The following NBAS variants were observed in gnomAD, a reference collection of about 807,000 sequenced individuals.
NBAS encodes the protein NAG/BC035112 fusion.
NBAS carries 219 observed loss-of-function variants against 302.5 expected under a neutral mutation model. The ratio of observed to expected loss-of-function variants is 0.72; its 90% CI spans 0.65 to 0.81. NBAS has a LOEUF of 0.81. Among genes scored for constraint, NBAS ranks in the 30% least tolerant of loss-of-function variants. NBAS has a pLI of 0.00. For missense variants in NBAS, 2,932 were observed against 2,841.6 expected, an observed-to-expected ratio of 1.03 and a Z score of -0.72; for synonymous variants, 1,118 against 1,021.6, an observed-to-expected ratio of 1.09 and a Z score of -1.80.
the NBAS span, among the ~76,000 whole-genome samples, chr2:15,158,910 C>A: frequency 2.0e-5 from 3 of 152,186 alleles, no homozygotes; most frequent in African/African-American, 7.2e-5. Flanking sequence ...CCCCCTGCAC[C>A]CTGCTGTCTG....
intron 48 of NBAS, among the ~76,000 whole-genome samples, chr2:15,199,620 A>T (rs954214036): frequency 2.0e-5 from 3 of 152,210 alleles, no homozygotes; most frequent in Non-Finnish European, 2.9e-5. Flanking sequence ...TAATAGGTAA[A>T]TTTGATTAAT....
chr2:15,051,590 T>C, the NBAS span, among the ~76,000 whole-genome samples: 162 of 152,272 alleles, frequency 1.1e-3, no homozygotes, highest in South Asian at 2.5e-3. Context: ...AATCAAGAAG[T>C]AAGCAGCCAG....
At chr2:15,160,750 T>TTA in the NBAS span, among the ~76,000 whole-genome samples, 1 of 152,200 alleles carries the variant, frequency 6.6e-6, no homozygotes, top group Admixed American at 6.5e-5. Context: ...GGCGCACAGA[T>TTA]TGAGCTCAGA....
intron 44 of NBAS, among the ~76,000 whole-genome samples, chr2:15,261,656 G>C (rs1304979984): frequency 6.6e-6 from 1 of 152,074 alleles, no homozygotes; most frequent in Admixed American, 6.5e-5. Flanking sequence ...AATGATACAA[G>C]CTAATACATT....
At chr2:15,327,617 G>A (rs1480955128) in intron 38 of NBAS, 133 bp downstream of exon 38, 1 of 1,044,474 alleles carries the variant, frequency 9.6e-7, no homozygotes, top group Admixed American at 2.0e-5. Context: ...ATGAACGAAT[G>A]ATGATGTCAA....
At chr2:15,396,083 G>T (rs1010632151) in intron 27 of NBAS, among the ~76,000 whole-genome samples, 6 of 152,110 alleles carry the variant, frequency 3.9e-5, no homozygotes, top group African/African-American at 1.4e-4. Context: ...CTATGTAGGA[G>T]GCACTTTAAA....
the NBAS span, among the ~76,000 whole-genome samples, chr2:14,862,581 A>T: frequency 1.7e-3 from 263 of 152,146 alleles, no homozygotes; most frequent in African/African-American, 6.1e-3. Context: ...TAAGTTTCAG[A>T]TTCTTCATCT....
chr2:14,824,015 G>A, the NBAS span, among the ~76,000 whole-genome samples: 5 of 152,168 alleles, frequency 3.3e-5, no homozygotes, highest in East Asian at 1.9e-4. Flanking sequence ...ACTCAGTGTC[G>A]AGAAGGGCAG....
At chr2:15,043,478 T>C in the NBAS span, among the ~76,000 whole-genome samples, 4 of 152,154 alleles carry the variant, frequency 2.6e-5, no homozygotes, top group Non-Finnish European at 5.9e-5. Context: ...ACCTGCAAGC[T>C]AAGGTCCAAC....
the NBAS span, among the ~76,000 whole-genome samples, chr2:14,861,958 T>G: frequency 0.052 from 7,942 of 152,178 alleles, 693 homozygotes; most frequent in African/African-American, 0.18. Context: ...CAGGAAAGTA[T>G]CAAAGTCCCA....
At chr2:14,858,535 T>C in the NBAS span, among the ~76,000 whole-genome samples, 1 of 151,982 alleles carries the variant, frequency 6.6e-6, no homozygotes, top group Non-Finnish European at 1.5e-5. Flanking sequence ...TGGAGATCAT[T>C]ATGTTTAAGT....
At chr2:15,201,089 G>A (rs16862427) in intron 48 of NBAS, among the ~76,000 whole-genome samples, 41,524 of 151,960 alleles carry the variant, frequency 0.27, 6,988 homozygotes, top group East Asian at 0.64. Context: ...CTATTTTATT[G>A]CTCCAGGTAA....
the NBAS span, among the ~76,000 whole-genome samples, chr2:14,992,581 T>C: frequency 1.3e-5 from 2 of 152,200 alleles, no homozygotes; most frequent in East Asian, 3.9e-4. Flanking sequence ...AGGAGATGGT[T>C]CAGGGCTGCC....
At chr2:14,985,522 G>A in the NBAS span, among the ~76,000 whole-genome samples, 31 of 152,294 alleles carry the variant, frequency 2.0e-4, no homozygotes, top group African/African-American at 6.5e-4. Context: ...GCTGAGAAAA[G>A]GCAAGATGTT....
At chr2:15,387,635 A>ATT (rs112344539) in intron 28 of NBAS, among the ~76,000 whole-genome samples, 113 of 149,902 alleles carry the variant, frequency 7.5e-4, no homozygotes, top group East Asian at 2.2e-3. Context: ...TCATCTGGAA[A>ATT]TTATTTTTTT....
the NBAS span, among the ~76,000 whole-genome samples, chr2:14,938,058 G>T: frequency 6.6e-6 from 1 of 152,112 alleles, no homozygotes. Flanking sequence ...AACCTGGGAG[G>T]TGGAGGTTGC....
chr2:15,161,693 C>T, the NBAS span, among the ~76,000 whole-genome samples: 1 of 152,198 alleles, frequency 6.6e-6, no homozygotes, highest in African/African-American at 2.4e-5. Context: ...CTTGCAGTGG[C>T]TTGAGCTCCA....
At chr2:15,237,560 ATATT>A (rs35617829) in intron 45 of NBAS, among the ~76,000 whole-genome samples, 29,169 of 139,706 alleles carry the variant, frequency 0.21, 3,541 homozygotes, top group African/African-American at 0.34. Context: ...GAAAATCAAA[ATATT>A]TATTTATTTA....
the NBAS span, among the ~76,000 whole-genome samples, chr2:15,038,512 G>A: frequency 2.0e-5 from 3 of 152,158 alleles, no homozygotes; most frequent in African/African-American, 4.8e-5. Flanking sequence ...AAGCTCCCGC[G>A]ACTAGCTCTG....
Sources: allele counts gnomAD v4.1 joint callset (sites outside exome capture counted in the v4.1 genomes callset), GRCh38; gene constraint gnomAD v4.1.1; transcripts MANE v1.5; gene names NCBI Gene and HGNC (gene_info 2026-07-23, HGNC 2026-07-21).